The following GPM6A variants were observed in gnomAD, a reference collection of about 807,000 sequenced individuals.
GPM6A encodes the protein glycoprotein M6A.
A neutral mutation model predicts 32.1 loss-of-function variants in GPM6A; 7 were observed. The ratio of observed to expected loss-of-function variants is 0.22; its 90% CI spans 0.12 to 0.41. The LOEUF (loss-of-function observed/expected upper bound fraction) is 0.41, where lower values mean the gene tolerates loss of function less well. Ranked by LOEUF, GPM6A falls within the 10% of genes least tolerant of loss-of-function variation. The probability of loss-of-function intolerance (pLI) is 1.00; values close to 1 mark genes in which losing one functional copy is unlikely to be tolerated. For synonymous variants in GPM6A, 130 were observed against 123.4 expected (o/e 1.05, Z -0.35); for missense variants, 235 against 347.2 (o/e 0.68, Z 2.57).
chr4:175,659,429 A>AAAT, intron 3 of GPM6A, among the ~76,000 whole-genome samples: 1 of 152,130 alleles, frequency 6.6e-6, no homozygotes, highest in Non-Finnish European at 1.5e-5. Flanking sequence ...TTGAAATAAC[A>AAAT]AATACAGTAT....
intron 1 of GPM6A, among the ~76,000 whole-genome samples, chr4:176,001,244 A>C (rs1741468040): frequency 6.6e-6 from 1 of 152,166 alleles, no homozygotes; most frequent in Non-Finnish European, 1.5e-5. Flanking sequence ...ACAACAAAGG[A>C]CAAGGGAGAA....
chr4:175,661,025 C>A (rs1742378643), intron 3 of GPM6A, among the ~76,000 whole-genome samples: 1 of 151,936 alleles, frequency 6.6e-6, no homozygotes, highest in African/African-American at 2.4e-5. Context: ...ACATGCAAAC[C>A]CTGAATACAT....
intron 3 of GPM6A, among the ~76,000 whole-genome samples, chr4:175,656,308 C>A (rs1358007859): frequency 3.3e-5 from 5 of 152,048 alleles, no homozygotes; most frequent in Non-Finnish European, 1.5e-5. Flanking sequence ...ATCCCATAAT[C>A]ATTTTAGTAG....
intron 1 of GPM6A, chr4:175,807,716 C>G (rs1423217985): frequency 6.6e-6 from 1 of 152,190 alleles, no homozygotes; most frequent in East Asian, 1.9e-4. Flanking sequence ...GTAAGGAACA[C>G]AACCATAAAT....
chr4:175,758,668 TG>T (rs1312763465), intron 1 of GPM6A, among the ~76,000 whole-genome samples: 2 of 152,152 alleles, frequency 1.3e-5, no homozygotes. Context: ...AAACAAAGAA[TG>T]TTTTTCCAAG....
chr4:175,685,061 T>C (rs1202237962), intron 2 of GPM6A, among the ~76,000 whole-genome samples: 2 of 152,060 alleles, frequency 1.3e-5, no homozygotes, highest in Admixed American at 6.6e-5. Context: ...CTAATTTTTT[T>C]GTATTTTTTA....
chr4:175,731,596 A>G (rs1449563661), intron 1 of GPM6A, among the ~76,000 whole-genome samples: 1 of 152,226 alleles, frequency 6.6e-6, no homozygotes, highest in Admixed American at 6.5e-5. Context: ...TGAACAGTTA[A>G]AGCATCTGAA....
At chr4:175,919,773 T>C (rs1017013663) in intron 1 of GPM6A, among the ~76,000 whole-genome samples, 3 of 152,210 alleles carry the variant, frequency 2.0e-5, no homozygotes, top group African/African-American at 4.8e-5. Flanking sequence ...GACCAAGTTA[T>C]GGACAAGGAG....
In GPM6A at chr4:175,903,429, G is replaced by A. The variant is rs555861125; in HGVS notation, c.-22-91180C>T. Among the ~76,000 whole-genome samples, 19 of 152,258 alleles carry A rather than the reference G, an allele frequency of 1.2e-4. 1 individual carries two copies. In the South Asian group the frequency reaches 3.9e-3, roughly 32 times the overall value. On this transcript the variant is annotated intron_variant, in intron 1 of 7. Transcript: ENST00000280187. ...TACTTGAAGCTAAAGCTAATTAGGT[G>A]AATATTTGATGAGAAAAAAATTTAT...
intron 1 of GPM6A, among the ~76,000 whole-genome samples, chr4:175,719,650 A>G (rs751060319): frequency 2.6e-5 from 4 of 151,760 alleles, no homozygotes; most frequent in Non-Finnish European, 4.4e-5. Context: ...TAAAAGGAAA[A>G]CTCTTCTGGA....
chr4:175,875,866 A>G (rs1368725434), intron 1 of GPM6A, among the ~76,000 whole-genome samples: 1 of 152,184 alleles, frequency 6.6e-6, no homozygotes, highest in East Asian at 1.9e-4. Context: ...ATGGTGGATC[A>G]CCTATCTTTG....
chr4:175,663,696 T>G (rs539618023), intron 3 of GPM6A, among the ~76,000 whole-genome samples: 2 of 93,322 alleles, frequency 2.1e-5, no homozygotes, highest in African/African-American at 6.6e-5. Context: ...AAATGTAAAT[T>G]TTTTTTTTTT....
chr4:175,987,981 G>A (rs1271232470), intron 1 of GPM6A, among the ~76,000 whole-genome samples: 1 of 151,924 alleles, frequency 6.6e-6, no homozygotes, highest in East Asian at 1.9e-4. Flanking sequence ...TTATTTGTTA[G>A]TTGTGAAAAG....
At chr4:175,771,168 A>G (rs1393021459) in intron 1 of GPM6A, among the ~76,000 whole-genome samples, 1 of 151,238 alleles carries the variant, frequency 6.6e-6, no homozygotes, top group Non-Finnish European at 1.5e-5. Flanking sequence ...TTTTTTGCCC[A>G]TTACCAACCC....
chr4:175,819,851 G>A (rs1044460592), intron 1 of GPM6A, among the ~76,000 whole-genome samples: 2 of 152,122 alleles, frequency 1.3e-5, no homozygotes, highest in Non-Finnish European at 2.9e-5. Flanking sequence ...CTTCCCATAT[G>A]CCCAACATGT....
intron 1 of GPM6A, chr4:175,805,882 A>G (rs948795056): frequency 3.9e-5 from 6 of 152,220 alleles, no homozygotes; most frequent in African/African-American, 1.2e-4. Flanking sequence ...ATTTGAAAAA[A>G]AAATCAGTTA....
chr4:175,827,775 G>A (rs979044219), intron 1 of GPM6A, among the ~76,000 whole-genome samples: 15 of 152,222 alleles, frequency 9.9e-5, no homozygotes, highest in East Asian at 9.6e-4. Flanking sequence ...TTTCCCATTC[G>A]TAAATGAGGA....
At chr4:175,666,588 A>AAAAGACCATTAAT (rs1474222847) in intron 3 of GPM6A, among the ~76,000 whole-genome samples, 1 of 152,206 alleles carries the variant, frequency 6.6e-6, no homozygotes, top group African/African-American at 2.4e-5. Context: ...TCAGTTCTTT[A>AAAAGACCATTAAT]AAAGACCATT....
At chr4:175,703,942 C>G (rs1745019290) in intron 1 of GPM6A, among the ~76,000 whole-genome samples, 1 of 152,072 alleles carries the variant, frequency 6.6e-6, no homozygotes, top group Non-Finnish European at 1.5e-5. Context: ...TGCTGAAGCC[C>G]CTCAGATAAT....
Sources: allele counts gnomAD v4.1 joint callset (sites outside exome capture counted in the v4.1 genomes callset), GRCh38; gene constraint gnomAD v4.1.1; transcripts MANE v1.5; gene names NCBI Gene and HGNC (gene_info 2026-07-23, HGNC 2026-07-21).